The following LSAMP variants were observed in gnomAD, a reference collection of about 807,000 sequenced individuals.
The protein encoded by LSAMP is limbic system-associated membrane protein.
In LSAMP, 7 loss-of-function variants were observed where a neutral mutation model predicts 38.6. The observed-to-expected ratio is 0.18, with a 90% CI of 0.10 to 0.34. The LOEUF (loss-of-function observed/expected upper bound fraction) is 0.34, where lower values mean the gene tolerates loss of function less well. LSAMP is among the 10% of genes least tolerant of loss of function. LSAMP has a pLI of 1.00. For missense variants in LSAMP, 313 were observed against 420.0 expected (o/e 0.75, Z 2.23); for synonymous variants, 154 against 166.8 (o/e 0.92, Z 0.59).
intron 1 of LSAMP, among the ~76,000 whole-genome samples, chr3:116,144,561 A>AT (rs1559759147): frequency 0.015 from 422 of 27,346 alleles, 6 homozygotes; most frequent in African/African-American, 0.036. Context: ...TCATCACCTT[A>AT]CTTTTTTTTT....
intron 1 of LSAMP, among the ~76,000 whole-genome samples, chr3:116,382,194 A>T (rs1007861541): frequency 3.9e-5 from 6 of 152,118 alleles, no homozygotes; most frequent in Admixed American, 3.9e-4. Flanking sequence ...TGCTATAAAG[A>T]CACATGCACA....
At chr3:116,317,245 T>C (rs746453114) in intron 1 of LSAMP, among the ~76,000 whole-genome samples, 1 of 152,096 alleles carries the variant, frequency 6.6e-6, no homozygotes, top group Non-Finnish European at 1.5e-5. Context: ...TTAAGAGCTG[T>C]AACACTCACT....
At chr3:116,176,883 G>C (rs1376608932) in intron 1 of LSAMP, among the ~76,000 whole-genome samples, 1 of 152,004 alleles carries the variant, frequency 6.6e-6, no homozygotes, top group Non-Finnish European at 1.5e-5. Context: ...AATAATCGAA[G>C]CGTTCTTTAA....
chr3:115,900,414 G>A (rs1469796271), intron 3 of LSAMP, among the ~76,000 whole-genome samples: 1 of 151,476 alleles, frequency 6.6e-6, no homozygotes, highest in Non-Finnish European at 1.5e-5. Context: ...TACTTGGGGG[G>A]CTGAGGCAGG....
chr3:116,025,179 A>G (rs1011742072), intron 2 of LSAMP, among the ~76,000 whole-genome samples: 1 of 152,094 alleles, frequency 6.6e-6, no homozygotes, highest in African/African-American at 2.4e-5. Context: ...CAATCCCTTA[A>G]CAATTCTTAT....
chr3:115,903,934 CTG>C (rs771466344), intron 3 of LSAMP, among the ~76,000 whole-genome samples: 6 of 152,128 alleles, frequency 3.9e-5, no homozygotes, highest in Non-Finnish European at 7.4e-5. Context: ...TTTTGAAAAA[CTG>C]TCTTGGGTTT....
At chr3:116,326,603 T>C (rs1407667301) in intron 1 of LSAMP, among the ~76,000 whole-genome samples, 1 of 152,088 alleles carries the variant, frequency 6.6e-6, no homozygotes, top group Admixed American at 6.6e-5. Context: ...AAAGCCAGGG[T>C]TCAGTCCCTA....
chr3:115,976,689 G>C (rs2107619766), intron 3 of LSAMP, among the ~76,000 whole-genome samples: 1 of 152,248 alleles, frequency 6.6e-6, no homozygotes, highest in East Asian at 1.9e-4. Context: ...GAGGTGATTG[G>C]ATCATGGGGG....
chr3:115,852,525 C>T lies in LSAMP; in HGVS notation c.607G>A (p.Val203Ile), dbSNP rs1280614422. Residue 203 changes from valine (V) to isoleucine (I), a missense_variant, in exon 4 of 7, where the codon GTC (valine) becomes ATC (isoleucine). Coordinates refer to ENST00000490035, the MANE Select transcript of LSAMP (RefSeq NM_002338.5). ...GKYECKAANE[V>I]SSADVKQVKV... ...ACTTGTTTGACATCCGCCGAGGAGA[C>T]CTCGTTGGCAGCTTTGCACTCATAT... The T allele has an allele frequency of 1.2e-6, 2 of 1,613,754 alleles. No homozygotes were observed. The highest frequency in any genetic ancestry group is 1.7e-6 in the Non-Finnish European group (2 of 1,179,838).
intron 1 of LSAMP, among the ~76,000 whole-genome samples, chr3:116,214,475 C>T (rs566061626): frequency 6.6e-6 from 1 of 150,900 alleles, no homozygotes; most frequent in Non-Finnish European, 1.5e-5. Flanking sequence ...AATGTGAGCC[C>T]TCAAATAAAG....
chr3:115,871,582 A>AGT (rs59830926), intron 3 of LSAMP, among the ~76,000 whole-genome samples: 11,162 of 144,912 alleles, frequency 0.077, 407 homozygotes, highest in East Asian at 0.11. Flanking sequence ...ACCAACGTGT[A>AGT]GTGTGTGTGT....
intron 1 of LSAMP, among the ~76,000 whole-genome samples, chr3:116,200,816 G>C (rs2045978133): frequency 6.6e-6 from 1 of 152,216 alleles, no homozygotes; most frequent in South Asian, 2.1e-4. Flanking sequence ...GCTCAGGTAA[G>C]CTTGATGCTG....
At chr3:115,957,149 A>T (rs1938478568) in intron 3 of LSAMP, among the ~76,000 whole-genome samples, 1 of 152,242 alleles carries the variant, frequency 6.6e-6, no homozygotes, top group Non-Finnish European at 1.5e-5. Flanking sequence ...AAAGATATCC[A>T]TGATAGGCAT....
At chr3:116,373,136 T>G (rs1266418781) in intron 1 of LSAMP, among the ~76,000 whole-genome samples, 1 of 151,522 alleles carries the variant, frequency 6.6e-6, no homozygotes, top group African/African-American at 2.4e-5. Context: ...ATAGCATTAT[T>G]CACAACAGCT....
At chr3:116,295,198 T>A (rs2047315191) in intron 1 of LSAMP, among the ~76,000 whole-genome samples, 1 of 152,150 alleles carries the variant, frequency 6.6e-6, no homozygotes, top group Admixed American at 6.5e-5. Flanking sequence ...CGAGGGGGAA[T>A]CATACATCTG....
chr3:116,338,999 A>G (rs1156272806), intron 1 of LSAMP, among the ~76,000 whole-genome samples: 1 of 152,034 alleles, frequency 6.6e-6, no homozygotes, highest in African/African-American at 2.4e-5. Context: ...GAGTGTTGTC[A>G]TCCATTCCGG....
Position 116,381,709 on chromosome 3 carries a change from G to A in LSAMP, c.155+63168C>T, listed in dbSNP as rs114703319. On this transcript the variant is annotated intron_variant, in intron 1 of 6. Coordinates refer to ENST00000490035, the MANE Select transcript of LSAMP (RefSeq NM_002338.5). ...AGGGTTATGTTGCTTATTAGAGAGT[G>A]CATTCCTTCCACAAAATGAATCTTA... 2.3e-3 allele frequency among the ~76,000 whole-genome samples: 343 copies of A among 152,184 alleles called. 2 individuals carry two copies. Among genetic ancestry groups the A allele is most frequent in the African/African-American group, 7.9e-3 (329 of 41,520 alleles).
chr3:116,126,303 A>G (rs1709007415), intron 1 of LSAMP, among the ~76,000 whole-genome samples: 1 of 152,200 alleles, frequency 6.6e-6, no homozygotes, highest in Admixed American at 6.5e-5. Context: ...ATGAGCGTTG[A>G]GAGTATATAG....
At position 115,892,826 on chromosome 3, in the gene LSAMP, AATTAT is replaced by A. The variant is rs535938644; in HGVS notation, c.515-40214_515-40210del. 1.6e-3 allele frequency among the ~76,000 whole-genome samples: 240 copies of A among 149,028 alleles called. 2 individuals are homozygous for A. Among genetic ancestry groups the A allele is most frequent in the African/African-American group, 4.9e-3 (201 of 40,970 alleles). On this transcript the variant is annotated intron_variant, in intron 3 of 6. Coordinates refer to ENST00000490035, the MANE Select transcript of LSAMP (RefSeq NM_002338.5). Reference sequence around the variant, plus strand: ...TATGAGTATGCATATAATATACATCAATTATATTATATATATAATATATATTATTT... The same window carrying A: ...TATGAGTATGCATATAATATACATCAATTATATATATAATATATATTATTT...
Sources: gnomAD v4.1 joint callset for allele counts (sites outside exome capture counted in the v4.1 genomes callset) on GRCh38, gnomAD v4.1.1 for gene constraint, MANE v1.5 for transcripts, NCBI Gene and HGNC (gene_info 2026-07-23, HGNC 2026-07-21) for gene names.